Variants in ANKAR observed in about 807,000 individuals in gnomAD.
ANKAR encodes ankyrin and armadillo repeat containing.
Under a neutral mutation model 146.2 loss-of-function variants are expected in ANKAR, and 136 were observed. That is an observed-to-expected ratio of 0.93 (90% CI 0.81 to 1.07). ANKAR has a LOEUF of 1.07. Ranked by LOEUF, ANKAR falls within the 50% of genes least tolerant of loss-of-function variation. ANKAR has a pLI of 0.00. For missense variants in ANKAR, 1,567 were observed against 1,679.9 expected, an observed-to-expected ratio of 0.93 and a Z score of 1.18; for synonymous variants, 500 against 575.8, an observed-to-expected ratio of 0.87 and a Z score of 1.88.
chr2:189,674,879 C>G (rs1026640708), intron 1 of ANKAR, 49 bp downstream of exon 1: 1 of 152,486 alleles, frequency 6.6e-6, no homozygotes, highest in Non-Finnish European at 1.5e-5. Flanking sequence ...GTGCCCATGG[C>G]TGACGCGAGC....
At chr2:189,755,618 G>C (rs2045960073) in intron 18 of ANKAR, 4 of 1,521,010 alleles carry the variant, frequency 2.6e-6, no homozygotes, top group Non-Finnish European at 3.5e-6. Flanking sequence ...GAAGAAAAAT[G>C]ATATTACAGC....
intron 7 of ANKAR, among the ~76,000 whole-genome samples, chr2:189,699,116 G>A (rs538932857): frequency 1.4e-4 from 21 of 152,092 alleles, no homozygotes; most frequent in Non-Finnish European, 2.5e-4. Flanking sequence ...GCCTTCATAG[G>A]TGCTCAGGAA....
At chr2:189,729,064 C>T (rs1439537627) in intron 15 of ANKAR, among the ~76,000 whole-genome samples, 2 of 152,134 alleles carry the variant, frequency 1.3e-5, no homozygotes, top group South Asian at 2.1e-4. Context: ...AAAATTAAGA[C>T]AATAAGCCTT....
At chr2:189,678,210 A>G (rs186294490) in intron 2 of ANKAR, among the ~76,000 whole-genome samples, 31 of 152,132 alleles carry the variant, frequency 2.0e-4, no homozygotes, top group Admixed American at 2.0e-3. Flanking sequence ...AGCATTTTTC[A>G]TATGTTTGTT....
chr2:189,691,735 A>G lies in ANKAR; in HGVS notation c.1040-520A>G, dbSNP rs185273974. Among the ~76,000 whole-genome samples, 322 of 149,980 alleles carry G rather than the reference A, an allele frequency of 2.1e-3. 1 individual carries two copies. Among genetic ancestry groups the G allele is most frequent in the Middle Eastern group, 0.018 (5 of 282 alleles). ...AGATATATATATATATAATATATAAACAGTAATTAACTGAGGGCAGTATTG... is the reference window on the plus strand; with the variant it reads ...AGATATATATATATATAATATATAAGCAGTAATTAACTGAGGGCAGTATTG... On this transcript the variant is annotated intron_variant, in intron 3 of 22. Coordinates refer to ENST00000684021, the MANE Select transcript of ANKAR (RefSeq NM_001378068.1).
chr2:189,726,631 A>G (rs891053881), intron 12 of ANKAR, among the ~76,000 whole-genome samples: 2 of 152,214 alleles, frequency 1.3e-5, no homozygotes, highest in Non-Finnish European at 2.9e-5. Flanking sequence ...CACTAAAGAG[A>G]CATAACTAAG....
intron 7 of ANKAR, among the ~76,000 whole-genome samples, chr2:189,699,818 C>T (rs2037790905): frequency 6.6e-6 from 1 of 151,798 alleles, no homozygotes; most frequent in Admixed American, 6.6e-5. Context: ...AGATGTGCAC[C>T]ACTACACCGT....
chr2:189,710,548 C>G (rs1045594298), intron 9 of ANKAR, among the ~76,000 whole-genome samples: 3 of 152,180 alleles, frequency 2.0e-5, no homozygotes, highest in African/African-American at 7.2e-5. Context: ...GCCTGTAATC[C>G]TACCACTTTG....
chr2:189,730,388 C>A, intron 15 of ANKAR, 107 bp from the exon 16 acceptor site: 1 of 520,260 alleles, frequency 1.9e-6, no homozygotes, highest in African/African-American at 2.0e-5. Flanking sequence ...AACTTACTAA[C>A]TGTATTACCT....
At chr2:189,675,174 C>T (rs571011593) in intron 1 of ANKAR, among the ~76,000 whole-genome samples, 1 of 118,114 alleles carries the variant, frequency 8.5e-6, no homozygotes, top group East Asian at 2.5e-4. Context: ...TTTGAACAAG[C>T]CCCAGGTGAT....
chr2:189,675,050 G>A (rs1275855773), intron 1 of ANKAR, among the ~76,000 whole-genome samples: 1 of 152,156 alleles, frequency 6.6e-6, no homozygotes, highest in Admixed American at 6.5e-5. Context: ...TCTCAGGTGT[G>A]GCGCCCAAAC....
At chr2:189,752,063 G>A (rs1439045706) in intron 18 of ANKAR, among the ~76,000 whole-genome samples, 2 of 151,662 alleles carry the variant, frequency 1.3e-5, no homozygotes, top group Non-Finnish European at 2.9e-5. Flanking sequence ...ACAATCACTT[G>A]AATATGGGAA....
Position 189,706,907 on chromosome 2 carries a change from GTGTTTAAT to G in ANKAR, c.1911-26_1911-19del, listed in dbSNP as rs1172086738. The G allele has an allele frequency of 2.6e-6, 4 of 1,558,286 alleles. No individual in the cohort carries two copies. The African/African-American group carries it at 5.5e-5, about 21-fold the overall frequency. On this transcript the variant is annotated intron_variant, in intron 8 of 22. Transcript: ENST00000684021. ...AAAAAGTAAATTTGACACTCTATGC[GTGTTTAAT>G]TGTTATGTTTCTTAATTTTTAGGAA...
chr2:189,760,381 G>C (rs1445186494), intron 18 of ANKAR, among the ~76,000 whole-genome samples: 1 of 152,090 alleles, frequency 6.6e-6, no homozygotes, highest in Non-Finnish European at 1.5e-5. Flanking sequence ...GCCGGGCAGA[G>C]GCGCCCCCAC....
chr2:189,699,013 T>C (rs1278975275), intron 7 of ANKAR, among the ~76,000 whole-genome samples: 1 of 152,202 alleles, frequency 6.6e-6, no homozygotes, highest in Non-Finnish European at 1.5e-5. Flanking sequence ...TTTAGTTAGT[T>C]AGTCTCCCTC....
At chr2:189,684,635 G>A (rs555535363) in intron 2 of ANKAR, among the ~76,000 whole-genome samples, 4 of 151,950 alleles carry the variant, frequency 2.6e-5, no homozygotes, top group East Asian at 1.9e-4. Context: ...TAGGTGGTTC[G>A]CTTTAGCTCA....
intron 12 of ANKAR, among the ~76,000 whole-genome samples, chr2:189,725,239 ATACATATATATG>A (rs1002785422): frequency 1.3e-5 from 2 of 151,502 alleles, no homozygotes; most frequent in African/African-American, 4.9e-5. Context: ...GTGTATACAC[ATACATATATATG>A]TATACATATT....
chr2:189,754,861 C>A, intron 18 of ANKAR: 1 of 322,744 alleles, frequency 3.1e-6, no homozygotes, highest in Non-Finnish European at 5.6e-6. Context: ...CTTATTTTAC[C>A]TTTTTTGCAG....
At chr2:189,744,997 C>CTAA (rs2043863258) in intron 22 of ANKAR, among the ~76,000 whole-genome samples, 1 of 69,038 alleles carries the variant, frequency 1.4e-5, no homozygotes, top group Non-Finnish European at 3.7e-5. Context: ...ATCTCTACTA[C>CTAA]TACTACTACT....
Sources: allele counts gnomAD v4.1 joint callset (sites outside exome capture counted in the v4.1 genomes callset), GRCh38; gene constraint gnomAD v4.1.1; transcripts MANE v1.5; gene names NCBI Gene and HGNC (gene_info 2026-07-23, HGNC 2026-07-21).